BMS1: variants seen among roughly 807,000 people sequenced by gnomAD.
The protein encoded by BMS1 is ribosome biogenesis protein BMS1 homolog.
Under a neutral mutation model 138.7 loss-of-function variants are expected in BMS1, and 53 were observed. That is an observed-to-expected ratio of 0.38 (90% CI 0.31 to 0.48). The LOEUF is 0.48. BMS1 is among the 20% of genes least tolerant of loss of function. BMS1 has a pLI of 0.97. For synonymous variants in BMS1, 504 were observed against 539.9 expected (o/e 0.93, Z 0.92); for missense variants, 1,360 against 1,565.5 (o/e 0.87, Z 2.22).
At chr10:42,830,755 A>T (rs1842778922) in intron 22 of BMS1, 111 bp from the exon 23 acceptor site, 1 of 951,312 alleles carries the variant, frequency 1.1e-6, no homozygotes, top group East Asian at 2.6e-5. Flanking sequence ...ATGCATTTTC[A>T]TGCAGTTAAT....
intron 15 of BMS1, among the ~76,000 whole-genome samples, chr10:42,819,613 A>G (rs933485592): frequency 6.6e-6 from 1 of 152,100 alleles, no homozygotes; most frequent in Admixed American, 6.6e-5. Flanking sequence ...ACAAGGGAAA[A>G]GTGTGAAAGA....
Position 42,796,620 on chromosome 10 carries a change from G to T in BMS1, c.1376G>T (p.Gly459Val), listed in dbSNP as rs1841692049. 9 of 1,614,150 alleles carry T rather than the reference G, an allele frequency of 5.6e-6. No homozygotes were observed. The highest frequency in any genetic ancestry group is 7.6e-6 in the Non-Finnish European group (9 of 1,180,026). ...EMSEDDGLENGSSDEEAEEEE... is the reference protein window; with the variant it reads ...EMSEDDGLENVSSDEEAEEEE... Reference sequence around the variant, plus strand: ...TCTGAAGATGACGGGTTGGAAAACGGCTCTAGTGATGAGGAAGCAGAAGAG... The same window carrying T: ...TCTGAAGATGACGGGTTGGAAAACGTCTCTAGTGATGAGGAAGCAGAAGAG... The change falls in exon 10 of 23, where the codon GGC becomes GTC. Residue 459 changes from glycine (G) to valine (V), a missense_variant. Physicochemically the swap from Gly to Val is moderately radical, Grantham distance 109. This residue lies in a region of BMS1 where 697 missense variants were observed against 686.2 expected (regional missense o/e 1.02). Transcript: ENST00000374518.
chr10:42,798,630 G>A lies in BMS1; in HGVS notation c.2247+5G>A. On this transcript the variant is annotated splice_donor_5th_base_variant and intron_variant, in intron 12 of 22. Transcript: ENST00000374518. The stretch of plus-strand genomic sequence containing the variant: ...CATGACTGGGATTTAGAGGAGGTAA[G>A]TCTGGGTAGTACATTTGATTTATTA... 6.2e-7 allele frequency: 1 copy of A among 1,614,106 alleles called. No individual in the cohort carries two copies. Among genetic ancestry groups the A allele is most frequent in the Non-Finnish European group, 8.5e-7 (1 of 1,179,934 alleles).
rs879940551 is a variant in BMS1, at chr10:42,811,520, C to CTTTTTTTTTTTTTTTTTTTTT, written c.2330-5074_2330-5073insTTTTTTTTTTTTTTTTTTTTT. On this transcript the variant is annotated intron_variant, in intron 13 of 22. Transcript: ENST00000374518. ...CACAAATGTTCACGTGTTGTATTTTCTTTTTCTTTTTTTTTTTTTTTTGAG... is the reference window on the plus strand; with the variant it reads ...CACAAATGTTCACGTGTTGTATTTTCTTTTTTTTTTTTTTTTTTTTTTTTTTCTTTTTTTTTTTTTTTTGAG... Among the ~76,000 whole-genome samples, 2 of 121,568 alleles carry CTTTTTTTTTTTTTTTTTTTTT rather than the reference C, an allele frequency of 1.6e-5. 1 individual carries two copies. The highest frequency in any genetic ancestry group is 3.3e-5 in the Non-Finnish European group (2 of 61,516). The allele number at this position is 121,568 out of a possible 152,430, so 79.8% of individuals were successfully genotyped here. A position where few individuals can be genotyped will look rare whatever the true frequency, so the allele number is the denominator to read the frequency against.
intron 7 of BMS1, 39 bp from the exon 8 acceptor site, chr10:42,792,918 C>T: frequency 6.3e-7 from 1 of 1,586,776 alleles, no homozygotes; most frequent in South Asian, 1.2e-5. Flanking sequence ...CTTCTGACTT[C>T]TTGTCAGCTG....
chr10:42,827,399 C>T (rs1413060735), intron 21 of BMS1, among the ~76,000 whole-genome samples: 2 of 152,312 alleles, frequency 1.3e-5, no homozygotes, highest in East Asian at 3.9e-4. Flanking sequence ...AGTGGCCCAC[C>T]GGCCACTAGG....
chr10:42,790,455 C>G lies in BMS1; in HGVS notation c.580C>G (p.Gln194Glu). The G allele has an allele frequency of 1.9e-6, 3 of 1,613,906 alleles. No homozygotes were observed. The highest frequency in any genetic ancestry group is 2.5e-6 in the Non-Finnish European group (3 of 1,179,870). ...THLDSFKHNK[Q>E]LKKTKKRLKH... Reference sequence around the variant, plus strand: ...CCTCGACTCCTTCAAGCATAATAAGCAACTGAAGAAGACAAAGAAGCGATT... The same window carrying G: ...CCTCGACTCCTTCAAGCATAATAAGGAACTGAAGAAGACAAAGAAGCGATT... Residue 194 changes from glutamine to glutamate, a missense_variant, in exon 5 of 23, where the codon CAA becomes GAA. Gln to Glu is a conservative substitution (Grantham distance 29). This residue lies in a region of BMS1 where 238 missense variants were observed against 311.1 expected (regional missense o/e 0.77). Coordinates refer to ENST00000374518, the MANE Select transcript of BMS1 (RefSeq NM_014753.4).
At position 42,784,444 on chromosome 10, in the gene BMS1, A is replaced by C. The variant is rs779765214; in HGVS notation, c.50A>C (p.Lys17Thr). The change falls in exon 2 of 23, where the codon AAA (lysine) becomes ACA (threonine). Residue 17 changes from lysine (K) to threonine (T), a missense_variant. By Grantham distance (78) the Lys-to-Thr change is moderately conservative. Coordinates refer to ENST00000374518, the MANE Select transcript of BMS1 (RefSeq NM_014753.4). ...CACAGAAAGAAAAACAGTGGACCCA[A>C]AGCTGCAAAGAAAAAGAAGCGGCTT... ...KKHRKKNSGP[K>T]AAKKKKRLLQ... 24 of 1,613,220 alleles carry C rather than the reference A, an allele frequency of 1.5e-5. No homozygotes were observed. In the East Asian group the frequency reaches 2.0e-4, roughly 13 times the overall value.
At chr10:42,789,892 G>A (rs1470682562) in intron 4 of BMS1, among the ~76,000 whole-genome samples, 1 of 152,100 alleles carries the variant, frequency 6.6e-6, no homozygotes, top group Non-Finnish European at 1.5e-5. Flanking sequence ...TTAGGTAAGG[G>A]CCAGGTTAGA....
rs751422893 is a variant in BMS1 at position 42,822,082 on chromosome 10, T to C, written c.3030T>C (p.Ala1010=). 6.3e-7 allele frequency: 1 copy of C among 1,593,924 alleles called. No homozygotes were observed. The highest frequency in any genetic ancestry group is 8.5e-7 in the Non-Finnish European group (1 of 1,177,592). Residue 1010 remains alanine, a synonymous_variant, in exon 19 of 23, where the codon GCT becomes GCC. Transcript: ENST00000374518. ...SGIMPDFRIA[A]TGVVLDLDKS... ...GTTAGCCTGATTTTCGGATAGCTGC[T>C]ACAGGAGTTGTCCTTGATCTGGATA...
Position 42,823,686 on chromosome 10 carries a change from G to A in BMS1, c.3358G>A (p.Val1120Met). ...CCCAGTAACATCTTTGTTGAAACCA[G>A]TGGGTGAGAAAGACACCTGGTCAGG... The part of the protein sequence containing the change: ...YNPVTSLLKP[V>M]GEKDTWSGMR... The change falls in exon 21 of 23, where the codon GTG becomes ATG. Residue 1120 changes from valine to methionine, a missense_variant. Around this residue, in one of 3 missense-constraint regions of BMS1, gnomAD observed 425 missense variants for 568.3 expected, o/e 0.75. Transcript: ENST00000374518. 1.3e-6 allele frequency: 2 copies of A among 1,596,192 alleles called. No homozygotes were observed. The highest frequency in any genetic ancestry group is 1.3e-5 in the African/African-American group (1 of 74,968).
rs1436653405 is a variant in BMS1 at position 42,820,398 on chromosome 10, A to T, written c.2743A>T (p.Ser915Cys). 3.1e-6 allele frequency: 5 copies of T among 1,613,772 alleles called. No homozygotes were observed. Among genetic ancestry groups the T allele is most frequent in the Non-Finnish European group, 4.2e-6 (5 of 1,179,872 alleles). Residue 915 changes from serine to cysteine, a missense_variant, in exon 16 of 23, where the codon AGT (serine) becomes TGT (cysteine). Coordinates refer to ENST00000374518, the MANE Select transcript of BMS1 (RefSeq NM_014753.4). ...CATTATCCTGGGTGGCTTGGGCAAC[A>T]GTGAGGGAAATGTTGGCTACGTGCA... The part of the protein sequence containing the change: ...YPIILGGLGN[S>C]EGNVGYVQMR...
intron 13 of BMS1, among the ~76,000 whole-genome samples, chr10:42,810,429 CTG>C (rs1397558283): frequency 1.3e-5 from 2 of 152,062 alleles, no homozygotes; most frequent in Non-Finnish European, 2.9e-5. Flanking sequence ...AGATACTGGT[CTG>C]TGAGTTTTTT....
At chr10:42,799,362 T>G (rs1841799680) in intron 12 of BMS1, among the ~76,000 whole-genome samples, 1 of 152,206 alleles carries the variant, frequency 6.6e-6, no homozygotes, top group South Asian at 2.1e-4. Context: ...GCCTTGGAAC[T>G]TCCCAGAGTG....
In BMS1 at chr10:42,797,048, G is replaced by A. The variant is rs767872019; in HGVS notation, c.1804G>A (p.Ala602Thr). 2.8e-5 allele frequency: 46 copies of A among 1,614,086 alleles called. 1 individual carries two copies. The Admixed American group carries it at 6.5e-4, about 23-fold the overall frequency. Reference sequence around the variant, plus strand: ...ATCTGAAGAAAGCTCCTCACTCAGTGCAGAGGAAGAAGACTCAGAAAATGA... The same window carrying A: ...ATCTGAAGAAAGCTCCTCACTCAGTACAGAGGAAGAAGACTCAGAAAATGA... ...DESEESSSLSAEEEDSENEEA... is the reference protein window; with the variant it reads ...DESEESSSLSTEEEDSENEEA... Residue 602 changes from alanine to threonine, a missense_variant, in exon 10 of 23, where the codon GCA becomes ACA. Physicochemically the swap from Ala to Thr is moderately conservative, Grantham distance 58 (BLOSUM62 0). This residue lies in a region of BMS1 where 697 missense variants were observed against 686.2 expected (regional missense o/e 1.02). Coordinates refer to ENST00000374518, the MANE Select transcript of BMS1 (RefSeq NM_014753.4).
chr10:42,792,698 C>A (rs2132307523), intron 7 of BMS1, 84 bp downstream of exon 7: 1 of 1,540,482 alleles, frequency 6.5e-7, no homozygotes, highest in East Asian at 2.3e-5. Context: ...GAAAAATGAC[C>A]AAACAAGGGA....
chr10:42,797,220 A>G lies in BMS1; in HGVS notation c.1976A>G (p.Lys659Arg), dbSNP rs778930610. 3.1e-6 allele frequency: 5 copies of G among 1,603,322 alleles called. No individual in the cohort carries two copies. Among genetic ancestry groups the G allele is most frequent in the African/African-American group, 2.7e-5 (2 of 74,110 alleles). The change falls in exon 10 of 23, where the codon AAA becomes AGA. Residue 659 changes from lysine to arginine, a missense_variant. Physicochemically the swap from Lys to Arg is conservative, Grantham distance 26. Around this residue, in one of 3 missense-constraint regions of BMS1, gnomAD observed 697 missense variants for 686.2 expected, o/e 1.02. Transcript: ENST00000374518. The part of the protein sequence containing the change: ...EDYKEENNDS[K>R]ETSGALKWKE... ...TACAAGGAAGAAAATAATGATTCCA[A>G]AGAAACGTCAGGTAAGCTTAAATGT...
chr10:42,809,753 G>A (rs1842113740), intron 13 of BMS1, among the ~76,000 whole-genome samples: 1 of 151,892 alleles, frequency 6.6e-6, no homozygotes, highest in Admixed American at 6.6e-5. Flanking sequence ...CTGGATATGG[G>A]TTTCATTCTT....
chr10:42,804,568 G>A (rs1589144542), intron 13 of BMS1, among the ~76,000 whole-genome samples: 1 of 151,940 alleles, frequency 6.6e-6, no homozygotes, highest in Non-Finnish European at 1.5e-5. Flanking sequence ...TTTTAATTTT[G>A]TTGAATTCTA....
Sources: gnomAD v4.1 joint callset for allele counts (sites outside exome capture counted in the v4.1 genomes callset) on GRCh38, gnomAD v4.1.1 for gene constraint, gnomAD v4.1.1 regional missense constraint, MANE v1.5 for transcripts, NCBI Gene and HGNC (gene_info 2026-07-23, HGNC 2026-07-21) for gene names.